The following DMD variants were observed in gnomAD, a reference collection of about 807,000 sequenced individuals.
DMD encodes dystrophin.
A neutral mutation model predicts 330.1 loss-of-function variants in DMD; 63 were observed. That is an observed-to-expected ratio of 0.19 (90% CI 0.16 to 0.24). DMD has a LOEUF of 0.24. DMD is among the 10% of genes least tolerant of loss of function. The pLI is 1.00. For missense variants in DMD, 3,344 were observed against 2,684.1 expected, an observed-to-expected ratio of 1.25 and a Z score of -5.43; for synonymous variants, 1,223 against 959.8, an observed-to-expected ratio of 1.27 and a Z score of -5.07.
At chrX:31,403,550 G>A (rs1029962534) in intron 60 of DMD, among the ~76,000 whole-genome samples, 2 of 111,831 alleles carry the variant, frequency 1.8e-5, no homozygotes, top group Non-Finnish European at 3.8e-5. Context: ...CCTTTGTTCA[G>A]TGGATATAAA....
intron 9 of DMD, among the ~76,000 whole-genome samples, chrX:32,695,959 G>C (rs1009238706): frequency 2.7e-5 from 3 of 111,704 alleles, no homozygotes; most frequent in African/African-American, 9.8e-5. Flanking sequence ...AGTTAGGAGA[G>C]CTGAATAAAA....
rs1323123028 is a variant in DMD at position 32,747,114 on chromosome X, A to ATC, written c.650-47822_650-47821insGA. Among the ~76,000 whole-genome samples, 12 of 112,116 alleles carry ATC rather than the reference A, an allele frequency of 1.1e-4. No homozygotes were observed. The East Asian group carries it at 2.2e-3, about 21-fold the overall frequency. ...TTCATTTATCTGTTAATGGACACTT[A>ATC]GGTTGATTCCGTATCTCAACAATCT... On this transcript the variant is annotated intron_variant, in intron 7 of 78. Coordinates refer to ENST00000357033, the MANE Select transcript of DMD (RefSeq NM_004006.3).
At chrX:31,514,561 T>C (rs1415615019) in intron 55 of DMD, among the ~76,000 whole-genome samples, 1 of 112,263 alleles carries the variant, frequency 8.9e-6, no homozygotes, top group Non-Finnish European at 1.9e-5. Flanking sequence ...AACTCTTTCA[T>C]TACTTTGGTT....
At chrX:33,083,718 A>G (rs903603417) in intron 1 of DMD, among the ~76,000 whole-genome samples, 8 of 111,620 alleles carry the variant, frequency 7.2e-5, no homozygotes, top group Admixed American at 3.8e-4. Flanking sequence ...CTTCCAAACT[A>G]TCCTCCTATT....
chrX:33,237,541 C>T (rs890765226), intron 1 of DMD, among the ~76,000 whole-genome samples: 5 of 111,521 alleles, frequency 4.5e-5, no homozygotes, highest in Middle Eastern at 4.7e-3. Flanking sequence ...CACAGTGCCC[C>T]GCCAGTTATC....
At chrX:33,182,761 T>C (rs970416240) in intron 1 of DMD, among the ~76,000 whole-genome samples, 5 of 112,557 alleles carry the variant, frequency 4.4e-5, no homozygotes, top group Non-Finnish European at 9.4e-5. Context: ...GACAATTCAC[T>C]AACATTTACA....
intron 43 of DMD, among the ~76,000 whole-genome samples, chrX:32,231,962 A>G (rs980425933): frequency 2.5e-4 from 28 of 111,977 alleles, no homozygotes; most frequent in African/African-American, 8.7e-4. Flanking sequence ...ACACAAATAT[A>G]GTATGATTTG....
At chrX:32,827,892 C>G (rs2078858034) in intron 4 of DMD, among the ~76,000 whole-genome samples, 1 of 110,889 alleles carries the variant, frequency 9.0e-6, no homozygotes, top group Admixed American at 9.6e-5. Context: ...AACTCCCGAC[C>G]TCAGGTGATC....
At chrX:32,724,661 C>T (rs2066676602) in intron 7 of DMD, among the ~76,000 whole-genome samples, 1 of 111,442 alleles carries the variant, frequency 9.0e-6, no homozygotes, top group African/African-American at 3.3e-5. Flanking sequence ...AATCTTCATC[C>T]AGTCATTAAA....
At chrX:31,265,884 C>T (rs998588527) in intron 62 of DMD, among the ~76,000 whole-genome samples, 7 of 106,580 alleles carry the variant, frequency 6.6e-5, no homozygotes, top group South Asian at 8.6e-4. Flanking sequence ...CACTTAAAGA[C>T]GCCACTTAAA....
In DMD at chrX:31,478,252, C is replaced by T; in HGVS notation, c.8791G>A (p.Glu2931Lys). Residue 2931 changes from glutamate to lysine, a missense_variant, in exon 59 of 79, where the codon GAG becomes AAG. Physicochemically the swap from Glu to Lys is moderately conservative, Grantham distance 56. Coordinates refer to ENST00000357033, the MANE Select transcript of DMD (RefSeq NM_004006.3). ...AGTTCCCGGAGTCTTTCAAGGGTCT[C>T]ATCTATTTTTCTCTGCCAGTCAGCG... ...HSADWQRKIDETLERLRELQE... is the reference protein window; with the variant it reads ...HSADWQRKIDKTLERLRELQE... The T allele has an allele frequency of 8.3e-7, 1 of 1,211,402 alleles. No homozygotes were observed. The highest frequency in any genetic ancestry group is 1.1e-6 in the Non-Finnish European group (1 of 895,448).
At chrX:32,648,598 C>A (rs781307947) in intron 9 of DMD, among the ~76,000 whole-genome samples, 1 of 111,541 alleles carries the variant, frequency 9.0e-6, no homozygotes, top group Non-Finnish European at 1.9e-5. Flanking sequence ...CTTTTTTCTG[C>A]AGTTTGTAAA....
At chrX:32,285,139 T>G (rs1477937479) in intron 43 of DMD, among the ~76,000 whole-genome samples, 2 of 112,334 alleles carry the variant, frequency 1.8e-5, no homozygotes, top group Non-Finnish European at 3.8e-5. Flanking sequence ...TCTACTTTAG[T>G]GCAAAACTGG....
chrX:32,414,422 T>C (rs1464981235), intron 29 of DMD, among the ~76,000 whole-genome samples: 1 of 112,223 alleles, frequency 8.9e-6, no homozygotes, highest in African/African-American at 3.2e-5. Context: ...ATTAAGCTAT[T>C]TATGCATTCC....
chrX:32,826,849 T>C (rs949062263), intron 4 of DMD, among the ~76,000 whole-genome samples: 1 of 110,693 alleles, frequency 9.0e-6, no homozygotes, highest in Non-Finnish European at 1.9e-5. Context: ...TTAAGTGTCC[T>C]CAACCCCAAA....
Position 32,388,341 on chromosome X carries a change from CTTTT to C in DMD, c.4518+1156_4518+1159del, listed in dbSNP as rs3044988. 6.0e-4 allele frequency among the ~76,000 whole-genome samples: 47 copies of C among 78,549 alleles called. 3 individuals carry two copies. The highest frequency in any genetic ancestry group is 2.7e-3 in the African/African-American group (47 of 17,549). The allele number at this position is 78,549 out of a possible 115,157, so 68.2% of individuals were successfully genotyped here. A position where few individuals can be genotyped will look rare whatever the true frequency, so the allele number is the denominator to read the frequency against. ...AGGCACTTGGGTCATTTATGCTTTC[CTTTT>C]TTTTTTTTTTGGCAAAATTTAAGAT... On this transcript the variant is annotated intron_variant, in intron 32 of 78. Coordinates refer to ENST00000357033, the MANE Select transcript of DMD (RefSeq NM_004006.3).
intron 1 of DMD, among the ~76,000 whole-genome samples, chrX:33,161,538 A>T (rs1389662368): frequency 9.0e-6 from 1 of 111,568 alleles, no homozygotes; most frequent in Non-Finnish European, 1.9e-5. Flanking sequence ...ACACAACCAA[A>T]TTTACGTGAC....
intron 42 of DMD, among the ~76,000 whole-genome samples, chrX:32,298,514 C>T (rs1603630194): frequency 9.6e-6 from 1 of 104,497 alleles, no homozygotes; most frequent in African/African-American, 3.8e-5. Context: ...ATATAAAAGG[C>T]ATATATATAT....
At chrX:32,723,520 G>A (rs1284104549) in intron 7 of DMD, among the ~76,000 whole-genome samples, 1 of 111,425 alleles carries the variant, frequency 9.0e-6, no homozygotes, top group Non-Finnish European at 1.9e-5. Flanking sequence ...ATGTTTGGAA[G>A]AAATGAGGAG....
Sources: allele counts gnomAD v4.1 joint callset (sites outside exome capture counted in the v4.1 genomes callset), GRCh38; gene constraint gnomAD v4.1.1; transcripts MANE v1.5; gene names NCBI Gene and HGNC (gene_info 2026-07-23, HGNC 2026-07-21).